Variants in TEAD4 observed in about 807,000 individuals in gnomAD.
The protein encoded by TEAD4 is TEA domain transcription factor 4, also known as transcriptional enhancer factor TEF-3.
In TEAD4, 36 loss-of-function variants were observed where a neutral mutation model predicts 52.4. The observed-to-expected ratio is 0.69, with a 90% confidence interval of 0.53 to 0.91. The LOEUF is 0.91. Ranked by LOEUF, TEAD4 falls within the 40% of genes least tolerant of loss-of-function variation. The probability of loss-of-function intolerance (pLI) is 0.00; values close to 1 mark genes in which losing one functional copy is unlikely to be tolerated. For missense variants in TEAD4, 508 were observed against 583.9 expected (o/e 0.87, Z 1.34); for synonymous variants, 220 against 231.0 (o/e 0.95, Z 0.43).
intron 2 of TEAD4, among the ~76,000 whole-genome samples, chr12:2,962,315 A>AATATAT (rs1200828213): frequency 8.4e-6 from 1 of 119,058 alleles, no homozygotes; most frequent in African/African-American, 3.2e-5. Flanking sequence ...TAAATATATA[A>AATATAT]ATATATATAT....
chr12:2,960,206 G>A, intron 2 of TEAD4, 166 bp downstream of exon 2: 1 of 812,906 alleles, frequency 1.2e-6, no homozygotes, highest in Non-Finnish European at 1.5e-6. Context: ...GGTAAGGGGG[G>A]TGGACACTCG....
At chr12:2,961,908 G>C (rs1034842663) in intron 2 of TEAD4, among the ~76,000 whole-genome samples, 11 of 152,072 alleles carry the variant, frequency 7.2e-5, no homozygotes, top group Non-Finnish European at 1.2e-4. Context: ...GCCCTACGCT[G>C]TGTTCCGCGT....
chr12:2,993,536 T>C (rs1020258673), intron 2 of TEAD4, among the ~76,000 whole-genome samples: 17 of 152,146 alleles, frequency 1.1e-4, no homozygotes, highest in African/African-American at 3.9e-4. Flanking sequence ...AGTGGCGCAA[T>C]CATGGCTAAC....
At chr12:3,007,176 TG>T in intron 3 of TEAD4, among the ~76,000 whole-genome samples, 1 of 152,206 alleles carries the variant, frequency 6.6e-6, no homozygotes, top group East Asian at 1.9e-4. Context: ...AGGGTAGTTG[TG>T]GGGTGGTGGG....
At chr12:3,006,615 C>T (rs372134095) in intron 3 of TEAD4, among the ~76,000 whole-genome samples, 12 of 151,484 alleles carry the variant, frequency 7.9e-5, no homozygotes, top group East Asian at 1.9e-4. Context: ...ACCTGGGAGG[C>T]GGAGGTTGTG....
At chr12:3,018,190 G>A (rs185267003) in intron 6 of TEAD4, among the ~76,000 whole-genome samples, 7 of 152,332 alleles carry the variant, frequency 4.6e-5, no homozygotes, top group African/African-American at 1.7e-4. Context: ...TAAACAGATA[G>A]GACACAGTGG....
At chr12:3,012,464 C>G (rs1484129813) in intron 5 of TEAD4, among the ~76,000 whole-genome samples, 1 of 152,178 alleles carries the variant, frequency 6.6e-6, no homozygotes, top group African/African-American at 2.4e-5. Flanking sequence ...CTGCTGGGAT[C>G]CCCCCTTGCT....
chr12:3,024,604 C>T (rs1002490527), intron 10 of TEAD4, among the ~76,000 whole-genome samples: 1 of 152,062 alleles, frequency 6.6e-6, no homozygotes, highest in Non-Finnish European at 1.5e-5. Context: ...TTGCAGTGAG[C>T]CAAAATCGCA....
intron 2 of TEAD4, among the ~76,000 whole-genome samples, chr12:2,993,153 A>G (rs2335327): frequency 0.046 from 6,967 of 152,270 alleles, 539 homozygotes; most frequent in African/African-American, 0.16. Context: ...ACCCTCTTGA[A>G]GTATCCAGGT....
rs115968696 is a variant in TEAD4, at chr12:3,019,243, A to G, written c.583+73A>G. The G allele has an allele frequency of 4.2e-4, 649 of 1,563,548 alleles. 4 individuals carry two copies. The African/African-American group carries it at 8.2e-3, about 20-fold the overall frequency. ...CTGCCTCTGGGTCCAGGCCCCCGGC[A>G]GCCGAACGCCTGCGTGTCCCTGTTA... On this transcript the variant is annotated intron_variant, in intron 8 of 12. Coordinates refer to ENST00000359864, the MANE Select transcript of TEAD4 (RefSeq NM_003213.4).
intron 2 of TEAD4, among the ~76,000 whole-genome samples, chr12:2,964,414 TC>T (rs1364262033): frequency 6.6e-6 from 1 of 151,250 alleles, no homozygotes; most frequent in African/African-American, 2.4e-5. Context: ...GGACAGGGAG[TC>T]CCCAGGCTGG....
At chr12:3,028,444 A>G (rs986972507) in intron 10 of TEAD4, among the ~76,000 whole-genome samples, 3 of 151,834 alleles carry the variant, frequency 2.0e-5, no homozygotes, top group Non-Finnish European at 4.4e-5. Flanking sequence ...TGAGGATCCT[A>G]TTTTCTCCAC....
intron 2 of TEAD4, among the ~76,000 whole-genome samples, chr12:2,987,228 C>T (rs1297975502): frequency 6.6e-6 from 1 of 152,092 alleles, no homozygotes; most frequent in East Asian, 1.9e-4. Flanking sequence ...GTGGGGATCC[C>T]CCAAGGAGTC....
At chr12:2,987,635 C>T (rs997902008) in intron 2 of TEAD4, among the ~76,000 whole-genome samples, 2 of 151,422 alleles carry the variant, frequency 1.3e-5, no homozygotes, top group Non-Finnish European at 3.0e-5. Flanking sequence ...GGGGTTTCAC[C>T]GTGGTCTCGA....
chr12:3,019,237 C>G (rs1458413869), intron 8 of TEAD4, 67 bp downstream of exon 8: 5 of 1,584,886 alleles, frequency 3.2e-6, no homozygotes, highest in Non-Finnish European at 4.3e-6. Flanking sequence ...GGTCCAGGCC[C>G]CCGGCAGCCG....
chr12:3,032,389 G>A (rs974095438), intron 10 of TEAD4, among the ~76,000 whole-genome samples: 11 of 152,178 alleles, frequency 7.2e-5, no homozygotes, highest in South Asian at 2.1e-4. Context: ...GATCCAGCGC[G>A]AGTCTCGGGG....
At chr12:2,977,516 A>T (rs2153953328) in intron 2 of TEAD4, among the ~76,000 whole-genome samples, 1 of 152,276 alleles carries the variant, frequency 6.6e-6, no homozygotes, top group African/African-American at 2.4e-5. Context: ...ACACCAAAGG[A>T]TGGCCGGGAA....
intron 10 of TEAD4, among the ~76,000 whole-genome samples, chr12:3,032,205 C>G (rs1038116596): frequency 1.3e-5 from 2 of 152,214 alleles, no homozygotes; most frequent in Admixed American, 1.3e-4. Context: ...CTCTTTCTTT[C>G]TGACTCTTAG....
chr12:2,964,696 T>C (rs1442010917), intron 2 of TEAD4, among the ~76,000 whole-genome samples: 1 of 150,034 alleles, frequency 6.7e-6, no homozygotes, highest in African/African-American at 2.5e-5. Flanking sequence ...GGTCTCGAAC[T>C]CCCAACCTCA....
Sources: allele counts gnomAD v4.1 joint callset (sites outside exome capture counted in the v4.1 genomes callset), GRCh38; gene constraint gnomAD v4.1.1; transcripts MANE v1.5; gene names NCBI Gene and HGNC (gene_info 2026-07-23, HGNC 2026-07-21).